The following HMCN1 variants were observed in gnomAD, a reference collection of about 807,000 sequenced individuals.
The protein encoded by HMCN1 is hemicentin 1.
Under a neutral mutation model 625.9 loss-of-function variants are expected in HMCN1, and 321 were observed. The observed-to-expected ratio is 0.51, with a 90% CI of 0.47 to 0.56. HMCN1 has a LOEUF of 0.56. Among genes scored for constraint, HMCN1 ranks in the 20% least tolerant of loss-of-function variants. The pLI is 0.00. For synonymous variants in HMCN1, 2,425 were observed against 2,417.6 expected, an observed-to-expected ratio of 1.00 and a Z score of -0.09; for missense variants, 6,588 against 6,887.3, an observed-to-expected ratio of 0.96 and a Z score of 1.54.
At chr1:185,979,105 T>A (rs1277133530) in intron 16 of HMCN1, among the ~76,000 whole-genome samples, 1 of 152,160 alleles carries the variant, frequency 6.6e-6, no homozygotes, top group Non-Finnish European at 1.5e-5. Flanking sequence ...CAGATTCAGA[T>A]ATAGGGTCCC....
Position 186,114,040 on chromosome 1 carries a change from A to G in HMCN1, c.11193A>G (p.Val3731=). The G allele has an allele frequency of 6.2e-7, 1 of 1,614,162 alleles. No individual in the cohort carries two copies. The highest frequency in any genetic ancestry group is 1.1e-5 in the South Asian group (1 of 91,082). ...SLVILLNKST[V]LECIAEGVPT... is the part of the protein sequence containing the mutation. ...TAATTCTTTTAAATAAGTCAACTGTATTGGAATGCATCGCTGAAGGTGTGC... is the reference window on the plus strand; with the variant it reads ...TAATTCTTTTAAATAAGTCAACTGTGTTGGAATGCATCGCTGAAGGTGTGC... The change falls in exon 73 of 107, where the codon GTA becomes GTG. Residue 3731 remains valine, a synonymous_variant. Transcript: ENST00000271588.
chr1:186,075,461 C>T (rs544907781), intron 53 of HMCN1, among the ~76,000 whole-genome samples: 1 of 152,170 alleles, frequency 6.6e-6, no homozygotes, highest in South Asian at 2.1e-4. Context: ...ATGATTATGG[C>T]TTTTAAAAGC....
At chr1:185,930,925 C>T (rs536811803) in intron 10 of HMCN1, among the ~76,000 whole-genome samples, 4,002 of 151,874 alleles carry the variant, frequency 0.026, 170 homozygotes, top group African/African-American at 0.086. Context: ...CACACACACA[C>T]ACACACACAC....
In HMCN1 at chr1:186,045,704, G is replaced by T; in HGVS notation, c.6321G>T (p.Met2107Ile). The T allele has an allele frequency of 6.2e-7, 1 of 1,613,164 alleles. No homozygotes were observed. Among genetic ancestry groups the T allele is most frequent in the Non-Finnish European group, 8.5e-7 (1 of 1,179,340 alleles). ...DLRVYVPPNI[M>I]GEEQNVSVLI... ...TTCATGTAGTTCCGCCAAATATTAT[G>T]GGAGAAGAACAGAATGTCTCTGTCC... Residue 2107 changes from methionine to isoleucine, a missense_variant, in exon 41 of 107, where the codon ATG (methionine) becomes ATT (isoleucine). Transcript: ENST00000271588.
intron 96 of HMCN1, 96 bp downstream of exon 96, chr1:186,152,967 G>T (rs1319012736): frequency 6.8e-6 from 10 of 1,479,344 alleles, no homozygotes; most frequent in African/African-American, 1.4e-5. Context: ...CACTCTGTGG[G>T]GGAAAATGTC....
chr1:185,840,224 G>A (rs1444556393), intron 1 of HMCN1, among the ~76,000 whole-genome samples: 1 of 152,098 alleles, frequency 6.6e-6, no homozygotes, highest in African/African-American at 2.4e-5. Context: ...AACAGTAAAA[G>A]TAGATATAAT....
intron 30 of HMCN1, among the ~76,000 whole-genome samples, chr1:186,013,291 T>C (rs1172295051): frequency 6.6e-6 from 1 of 152,220 alleles, no homozygotes; most frequent in Non-Finnish European, 1.5e-5. Flanking sequence ...ATTTTGATTT[T>C]TGTCAACAAT....
intron 18 of HMCN1, among the ~76,000 whole-genome samples, chr1:185,982,897 T>G (rs1236623251): frequency 6.6e-6 from 1 of 152,166 alleles, no homozygotes; most frequent in Non-Finnish European, 1.5e-5. Context: ...ATTAATAAAA[T>G]GGAGAAATAG....
rs191479270 is a variant in HMCN1 at position 186,145,179 on chromosome 1, G to A, written c.14267-224G>A. 2.0e-3 allele frequency among the ~76,000 whole-genome samples: 298 copies of A among 152,350 alleles called. 2 individuals carry two copies. Among genetic ancestry groups the A allele is most frequent in the African/African-American group, 6.9e-3 (288 of 41,572 alleles). ...TGGAATATTTTAAGACTCAATAAATGTATGTTAAATTGAATCACACAAATA... is the reference window on the plus strand; with the variant it reads ...TGGAATATTTTAAGACTCAATAAATATATGTTAAATTGAATCACACAAATA... On this transcript the variant is annotated intron_variant, in intron 91 of 106. Transcript: ENST00000271588.
chr1:185,986,416 G>A (rs557447866), intron 19 of HMCN1, among the ~76,000 whole-genome samples: 119 of 152,230 alleles, frequency 7.8e-4, no homozygotes, highest in Non-Finnish European at 1.5e-3. Context: ...GAAAGGAAAC[G>A]CCTGTTATAG....
intron 64 of HMCN1, among the ~76,000 whole-genome samples, chr1:186,091,387 G>T (rs1187956565): frequency 1.3e-5 from 2 of 151,982 alleles, no homozygotes; most frequent in Non-Finnish European, 2.9e-5. Flanking sequence ...TTTGAGAAAA[G>T]ATACAATAAT....
Position 186,019,648 on chromosome 1 carries a change from TG to T in HMCN1, c.5580del (p.Trp1860CysfsTer2), listed in dbSNP as rs1654590162. 1 of 1,612,278 alleles carries T rather than the reference TG, an allele frequency of 6.2e-7. No individual in the cohort carries two copies. The highest frequency in any genetic ancestry group is 8.5e-7 in the Non-Finnish European group (1 of 1,178,748). ...TGGGATTCCAAATCCTTCCATTACA[TG>T]GTTAAAAGATGACCAGCCTGTGAAC... ...ANGIPNPSIT[W>X]LKDDQPVNTA... On this transcript the variant is annotated frameshift_variant, in exon 35 of 107. Coordinates refer to ENST00000271588, the MANE Select transcript of HMCN1 (RefSeq NM_031935.3). LOFTEE classifies it high-confidence loss of function.
intron 11 of HMCN1, among the ~76,000 whole-genome samples, chr1:185,960,961 A>G (rs940169914): frequency 1.3e-5 from 2 of 152,180 alleles, no homozygotes; most frequent in African/African-American, 2.4e-5. Context: ...CTTACTGGCC[A>G]TATTCAGTCT....
At chr1:186,054,717 A>G (rs763283645) in intron 44 of HMCN1, among the ~76,000 whole-genome samples, 3 of 152,044 alleles carry the variant, frequency 2.0e-5, no homozygotes, top group Non-Finnish European at 4.4e-5. Flanking sequence ...GGAGCTGGTC[A>G]GCAGCTTAAT....
At position 185,909,707 on chromosome 1, in the gene HMCN1, T is replaced by G. The variant is rs16824736; in HGVS notation, c.793+199T>G. Among the ~76,000 whole-genome samples, 10,923 of 152,136 alleles carry G rather than the reference T, an allele frequency of 0.072. 1,341 individuals are homozygous for G. Among genetic ancestry groups the G allele is most frequent in the African/African-American group, 0.25 (10,222 of 41,470 alleles). On this transcript the variant is annotated intron_variant, in intron 5 of 106. Transcript: ENST00000271588. Reference sequence around the variant, plus strand: ...TTGAATTAACATGAGATGCAAAAAGTTAAAACTTCTCGTATTTAAAGAGGT... The same window carrying G: ...TTGAATTAACATGAGATGCAAAAAGGTAAAACTTCTCGTATTTAAAGAGGT...
intron 44 of HMCN1, 40 bp downstream of exon 44, chr1:186,054,026 T>C: frequency 6.3e-7 from 1 of 1,583,666 alleles, no homozygotes. Flanking sequence ...AAATGTTCTC[T>C]TAAATCTTTT....
At chr1:185,918,776 CTT>C (rs1474428197) in intron 6 of HMCN1, among the ~76,000 whole-genome samples, 1 of 152,062 alleles carries the variant, frequency 6.6e-6, no homozygotes, top group Non-Finnish European at 1.5e-5. Flanking sequence ...AATAAATTGA[CTT>C]TGAAACACAA....
intron 1 of HMCN1, among the ~76,000 whole-genome samples, chr1:185,789,297 G>T (rs910156418): frequency 1.3e-5 from 2 of 152,176 alleles, no homozygotes; most frequent in African/African-American, 4.8e-5. Context: ...TGTGTAGCTT[G>T]TCAAGTTTCA....
At chr1:185,810,171 T>G (rs1659425927) in intron 1 of HMCN1, among the ~76,000 whole-genome samples, 1 of 152,136 alleles carries the variant, frequency 6.6e-6, no homozygotes, top group South Asian at 2.1e-4. Flanking sequence ...AGGAGACATA[T>G]TCTGCAATTA....
Sources: allele counts gnomAD v4.1 joint callset (sites outside exome capture counted in the v4.1 genomes callset), GRCh38; gene constraint gnomAD v4.1.1; transcripts MANE v1.5; gene names NCBI Gene and HGNC (gene_info 2026-07-23, HGNC 2026-07-21).